Variants in RFX8 observed in about 807,000 individuals in gnomAD.
RFX8 encodes regulatory factor X8.
A neutral mutation model predicts 54.6 loss-of-function variants in RFX8; 46 were observed. The observed-to-expected ratio is 0.84, with a 90% confidence interval of 0.67 to 1.08. The LOEUF (loss-of-function observed/expected upper bound fraction) is 1.08, where lower values mean the gene tolerates loss of function less well. RFX8 is among the 50% of genes least tolerant of loss of function. The pLI, the probability that RFX8 is intolerant of heterozygous loss-of-function variation, is 0.00. For synonymous variants in RFX8, 192 were observed against 209.5 expected (o/e 0.92, Z 0.72); for missense variants, 536 against 562.3 (o/e 0.95, Z 0.47).
chr2:101,436,158 A>G (rs1259989741), intron 2 of RFX8, among the ~76,000 whole-genome samples: 2 of 152,172 alleles, frequency 1.3e-5, no homozygotes, highest in Non-Finnish European at 2.9e-5. Context: ...TTCTAAATTT[A>G]CAGGGCTTAG....
chr2:101,415,537 C>T lies in RFX8; in HGVS notation c.503-625G>A, dbSNP rs569105008. 4.1e-4 allele frequency among the ~76,000 whole-genome samples: 62 copies of T among 152,344 alleles called. 1 individual carries two copies. Among genetic ancestry groups the T allele is most frequent in the Non-Finnish European group, 6.5e-4 (44 of 68,042 alleles). ...AAGGAACAACCCCAACTTTCTCATC[C>T]TACACTGCTTTCCTTGGAAAATAAT... On this transcript the variant is annotated intron_variant, in intron 6 of 11. Transcript: ENST00000428343.
At position 101,419,455 on chromosome 2, in the gene RFX8, C is replaced by T. The variant is rs920322497; in HGVS notation, c.238-491G>A. 3.3e-5 allele frequency among the ~76,000 whole-genome samples: 5 copies of T among 152,262 alleles called. No homozygotes were observed. In the East Asian group the frequency reaches 5.8e-4, roughly 18 times the overall value. On this transcript the variant is annotated intron_variant, in intron 4 of 11. Transcript: ENST00000428343. Reference sequence around the variant, plus strand: ...AAAAGGAGACTGGCGTGGTTCTACACAGGAGCCTTCTCTAAAGACTTATGT... The same window carrying T: ...AAAAGGAGACTGGCGTGGTTCTACATAGGAGCCTTCTCTAAAGACTTATGT...
At chr2:101,413,884 T>G (rs982006589) in intron 7 of RFX8, among the ~76,000 whole-genome samples, 23 of 152,176 alleles carry the variant, frequency 1.5e-4, no homozygotes, top group Non-Finnish European at 2.6e-4. Context: ...GGCTCTGCAC[T>G]GGGAGGATGG....
intron 2 of RFX8, among the ~76,000 whole-genome samples, chr2:101,461,789 G>A (rs2056065): frequency 0.34 from 52,226 of 151,616 alleles, 9,607 homozygotes; most frequent in African/African-American, 0.44. Context: ...GAAATACGCC[G>A]CAATAGAAAA....
At chr2:101,427,691 CCA>C (rs971248010) in intron 2 of RFX8, among the ~76,000 whole-genome samples, 6 of 152,128 alleles carry the variant, frequency 3.9e-5, no homozygotes, top group Non-Finnish European at 7.4e-5. Context: ...CTCTTGCCTC[CCA>C]CAGCCCCTCT....
intron 6 of RFX8, among the ~76,000 whole-genome samples, chr2:101,416,364 C>T (rs1270960394): frequency 6.6e-6 from 1 of 152,202 alleles, no homozygotes; most frequent in Admixed American, 6.5e-5. Flanking sequence ...GTCTCACCTT[C>T]TGCAACGTCC....
intron 2 of RFX8, among the ~76,000 whole-genome samples, chr2:101,448,584 T>C (rs1408779653): frequency 6.6e-6 from 1 of 152,216 alleles, no homozygotes; most frequent in Non-Finnish European, 1.5e-5. Flanking sequence ...TTTGTACATT[T>C]CTGACACTCG....
intron 7 of RFX8, among the ~76,000 whole-genome samples, chr2:101,413,957 AC>A: frequency 6.6e-6 from 1 of 152,294 alleles, no homozygotes; most frequent in Non-Finnish European, 1.5e-5. Flanking sequence ...GATTTGGAGC[AC>A]AGTGATGGTC....
intron 2 of RFX8, chr2:101,450,772 GTTC>G (rs1688631078): frequency 1.5e-6 from 1 of 683,624 alleles, no homozygotes; most frequent in Non-Finnish European, 2.5e-6. Flanking sequence ...AAGACTTGGA[GTTC>G]TTCTCCAGGT....
At chr2:101,405,724 G>C (rs1371086228) in intron 10 of RFX8, among the ~76,000 whole-genome samples, 2 of 152,014 alleles carry the variant, frequency 1.3e-5, no homozygotes, top group African/African-American at 4.8e-5. Context: ...GATGAAACAG[G>C]AAGGAAAAGC....
intron 2 of RFX8, among the ~76,000 whole-genome samples, chr2:101,433,941 AT>A (rs1167099611): frequency 1.3e-5 from 2 of 152,332 alleles, no homozygotes; most frequent in East Asian, 3.9e-4. Context: ...AAATATATAT[AT>A]TCACATTGAG....
intron 7 of RFX8, among the ~76,000 whole-genome samples, chr2:101,413,919 C>T (rs1218786826): frequency 6.6e-6 from 1 of 152,102 alleles, no homozygotes; most frequent in Non-Finnish European, 1.5e-5. Context: ...TCATGGAAGC[C>T]ACAGTTGGGA....
Position 101,422,463 on chromosome 2 carries a change from G to A in RFX8, c.82C>T (p.His28Tyr), listed in dbSNP as rs1449577829. The change falls in exon 3 of 12, where the codon CAT (histidine) becomes TAT (tyrosine). Residue 28 changes from histidine to tyrosine, a missense_variant. Physicochemically the swap from His to Tyr is moderately conservative, Grantham distance 83. Transcript: ENST00000428343. ...NPATFGKCED[H>Y]SPMKTDPVGS... ...ACTGGGTCTGTCTTCATCGGTGAAT[G>A]ATCTTCACACTAAAAATCATTTGTG... 1.3e-6 allele frequency: 2 copies of A among 1,535,810 alleles called. No homozygotes were observed. Among genetic ancestry groups the A allele is most frequent in the African/African-American group, 2.7e-5 (2 of 72,772 alleles).
intron 2 of RFX8, among the ~76,000 whole-genome samples, chr2:101,440,177 GT>G (rs543096130): frequency 9.2e-5 from 14 of 151,860 alleles, no homozygotes; most frequent in Non-Finnish European, 1.5e-4. Flanking sequence ...CCAAGTCAAT[GT>G]TTTTTTTAAA....
At chr2:101,457,122 G>A (rs914632038) in intron 2 of RFX8, among the ~76,000 whole-genome samples, 4 of 152,056 alleles carry the variant, frequency 2.6e-5, no homozygotes, top group Non-Finnish European at 5.9e-5. Context: ...CTTGCTAGCG[G>A]TCTATCAATT....
At chr2:101,426,933 G>A (rs1390301805) in intron 2 of RFX8, among the ~76,000 whole-genome samples, 7 of 152,078 alleles carry the variant, frequency 4.6e-5, no homozygotes, top group African/African-American at 1.2e-4. Flanking sequence ...GGTGCCCCAC[G>A]GTCTCCTGGG....
At chr2:101,461,279 A>AAAAAAAAAAAAAG (rs1553459153) in intron 2 of RFX8, among the ~76,000 whole-genome samples, 1 of 124,824 alleles carries the variant, frequency 8.0e-6, no homozygotes, top group African/African-American at 3.2e-5. Flanking sequence ...AAAAAAAAAA[A>AAAAAAAAAAAAAG]AAAGAAAGAA....
chr2:101,449,896 G>A (rs1041805373), intron 2 of RFX8, among the ~76,000 whole-genome samples: 3 of 152,208 alleles, frequency 2.0e-5, no homozygotes, highest in African/African-American at 7.2e-5. Context: ...GGGCTGGTGG[G>A]GGTTGGATGA....
chr2:101,426,042 T>G (rs188609868), intron 2 of RFX8, among the ~76,000 whole-genome samples: 1 of 152,180 alleles, frequency 6.6e-6, no homozygotes, highest in Non-Finnish European at 1.5e-5. Flanking sequence ...ATAAGAATCA[T>G]TTGGCTGCCT....
Sources: allele counts gnomAD v4.1 joint callset (sites outside exome capture counted in the v4.1 genomes callset), GRCh38; gene constraint gnomAD v4.1.1; transcripts MANE v1.5; gene names NCBI Gene and HGNC (gene_info 2026-07-23, HGNC 2026-07-21).